AP3B1: variants seen among roughly 807,000 people sequenced by gnomAD.
AP3B1 encodes the protein AP-3 complex subunit beta-1.
A neutral mutation model predicts 132.5 loss-of-function variants in AP3B1; 61 were observed. That is an observed-to-expected ratio of 0.46 (90% CI 0.37 to 0.57). AP3B1 has a LOEUF of 0.57. Ranked by LOEUF, AP3B1 falls within the 20% of genes least tolerant of loss-of-function variation. The pLI is 0.00. For missense variants in AP3B1, 1,120 were observed against 1,289.4 expected (o/e 0.87, Z 2.01); for synonymous variants, 388 against 438.3 (o/e 0.89, Z 1.43).
intron 7 of AP3B1, 115 bp downstream of exon 7, chr5:78,215,940 C>A: frequency 1.1e-6 from 1 of 928,390 alleles, no homozygotes; most frequent in African/African-American, 1.6e-5. Context: ...ACAAATGAGT[C>A]TTCCTTAAAT....
intron 7 of AP3B1, among the ~76,000 whole-genome samples, chr5:78,198,551 T>C (rs1471654147): frequency 3.3e-5 from 5 of 152,146 alleles, no homozygotes; most frequent in African/African-American, 1.2e-4. Flanking sequence ...CATGACTTCC[T>C]CTAAACTTCA....
chr5:78,157,758 C>CTT (rs147181177), intron 13 of AP3B1, among the ~76,000 whole-genome samples: 1 of 151,006 alleles, frequency 6.6e-6, no homozygotes, highest in South Asian at 2.1e-4. Flanking sequence ...TCCTATTACT[C>CTT]TTTTTTTTTG....
At chr5:78,183,260 A>G (rs1390697825) in intron 7 of AP3B1, among the ~76,000 whole-genome samples, 1 of 152,210 alleles carries the variant, frequency 6.6e-6, no homozygotes, top group Non-Finnish European at 1.5e-5. Context: ...CAGTGATGAG[A>G]CAGCACCCCT....
intron 7 of AP3B1, among the ~76,000 whole-genome samples, chr5:78,206,178 ATAAAT>A (rs952733632): frequency 6.0e-4 from 91 of 152,316 alleles, no homozygotes; most frequent in African/African-American, 1.9e-3. Flanking sequence ...TATTTCACTT[ATAAAT>A]TAATTAAGAG....
intron 3 of AP3B1, among the ~76,000 whole-genome samples, chr5:78,231,364 G>T (rs1746645760): frequency 1.3e-5 from 2 of 151,914 alleles, no homozygotes; most frequent in African/African-American, 4.8e-5. Context: ...AGTAGAGATG[G>T]GGTTTCACCA....
intron 13 of AP3B1, among the ~76,000 whole-genome samples, chr5:78,159,016 A>G (rs1743280300): frequency 6.6e-6 from 1 of 152,184 alleles, no homozygotes; most frequent in Admixed American, 6.5e-5. Context: ...TATTACTTCT[A>G]TAAAGACTAC....
At chr5:78,067,372 A>G (rs76937816) in intron 22 of AP3B1, among the ~76,000 whole-genome samples, 189 of 152,312 alleles carry the variant, frequency 1.2e-3, no homozygotes, top group African/African-American at 4.4e-3. Flanking sequence ...GAGACACAAA[A>G]TTTAAGAAGA....
chr5:78,233,899 T>C (rs183460539), intron 3 of AP3B1, among the ~76,000 whole-genome samples: 7 of 152,224 alleles, frequency 4.6e-5, no homozygotes, highest in Admixed American at 3.3e-4. Context: ...ATATTTCTAT[T>C]AAGGTACCCC....
intron 14 of AP3B1, among the ~76,000 whole-genome samples, chr5:78,149,604 T>C (rs963388662): frequency 2.0e-5 from 3 of 152,172 alleles, no homozygotes; most frequent in Admixed American, 6.5e-5. Flanking sequence ...TTCACATGCA[T>C]TGACTCATTC....
At chr5:78,130,400 CTT>C (rs1752636529) in intron 15 of AP3B1, among the ~76,000 whole-genome samples, 1 of 151,984 alleles carries the variant, frequency 6.6e-6, no homozygotes, top group South Asian at 2.1e-4. Context: ...GTGGTAAACT[CTT>C]TTACAATAAT....
chr5:78,124,727 G>A (rs1752387912), intron 17 of AP3B1, among the ~76,000 whole-genome samples: 1 of 152,140 alleles, frequency 6.6e-6, no homozygotes, highest in Non-Finnish European at 1.5e-5. Flanking sequence ...AAATGCTTCT[G>A]TCTACAAAGA....
At chr5:78,197,150 G>A (rs867902784) in intron 7 of AP3B1, among the ~76,000 whole-genome samples, 3 of 151,974 alleles carry the variant, frequency 2.0e-5, no homozygotes, top group African/African-American at 4.8e-5. Flanking sequence ...AAGTTTTACC[G>A]TAAACTTATA....
At chr5:78,275,840 G>A (rs1748751190) in intron 1 of AP3B1, among the ~76,000 whole-genome samples, 1 of 152,110 alleles carries the variant, frequency 6.6e-6, no homozygotes, top group South Asian at 2.1e-4. Context: ...CAATAAAGGT[G>A]TAAAAAATTC....
chr5:78,098,746 C>T (rs1413245666), intron 21 of AP3B1, among the ~76,000 whole-genome samples: 1 of 152,142 alleles, frequency 6.6e-6, no homozygotes, highest in African/African-American at 2.4e-5. Flanking sequence ...TTACTGGGTG[C>T]CCACTAACTG....
intron 11 of AP3B1, among the ~76,000 whole-genome samples, chr5:78,172,724 G>C (rs756575690): frequency 1.3e-5 from 2 of 150,980 alleles, no homozygotes; most frequent in Non-Finnish European, 3.0e-5. Context: ...TTTCGTTATT[G>C]GGTATTTCGT....
At chr5:78,219,053 T>G (rs984329341) in intron 6 of AP3B1, among the ~76,000 whole-genome samples, 1 of 152,080 alleles carries the variant, frequency 6.6e-6, no homozygotes, top group African/African-American at 2.4e-5. Flanking sequence ...AACTTAAAAT[T>G]TGTGTCTTAT....
chr5:78,155,375 G>C (rs966880779), intron 14 of AP3B1, among the ~76,000 whole-genome samples: 1 of 152,120 alleles, frequency 6.6e-6, no homozygotes, highest in African/African-American at 2.4e-5. Flanking sequence ...GCCTCTTTCA[G>C]CAATATGAAG....
Position 78,238,887 on chromosome 5 carries a change from G to A in AP3B1, c.279+1975C>T, listed in dbSNP as rs191184940. Among the ~76,000 whole-genome samples the A allele has an allele frequency of 1.9e-3, 291 of 149,888 alleles. 1 individual carries two copies. The highest frequency in any genetic ancestry group is 3.4e-3 in the Non-Finnish European group (228 of 67,616). On this transcript the variant is annotated intron_variant, in intron 3 of 26. Coordinates refer to ENST00000255194, the MANE Select transcript of AP3B1 (RefSeq NM_003664.5). The stretch of plus-strand genomic sequence containing the variant: ...AATTAAAAGGCAGAGATTGACACAC[G>A]GGATGTAGGGAAGGCTGCAACTATA...
At chr5:78,283,632 A>G (rs575921796) in intron 1 of AP3B1, among the ~76,000 whole-genome samples, 19 of 152,192 alleles carry the variant, frequency 1.2e-4, no homozygotes, top group African/African-American at 4.6e-4. Flanking sequence ...GCTGTCCTGA[A>G]TACCTTATCT....
Sources: allele counts gnomAD v4.1 joint callset (sites outside exome capture counted in the v4.1 genomes callset), GRCh38; gene constraint gnomAD v4.1.1; transcripts MANE v1.5; gene names NCBI Gene and HGNC (gene_info 2026-07-23, HGNC 2026-07-21).